CTNNA2: variants seen among roughly 807,000 people sequenced by gnomAD.
CTNNA2 encodes the protein catenin alpha 2, also known as catenin alpha-2.
In CTNNA2, 42 loss-of-function variants were observed where a neutral mutation model predicts 101.0. The ratio of observed to expected loss-of-function variants is 0.42; its 90% CI spans 0.32 to 0.54. The LOEUF (loss-of-function observed/expected upper bound fraction) is 0.54, where lower values mean the gene tolerates loss of function less well. CTNNA2 is among the 20% of genes least tolerant of loss of function. The pLI, the probability that CTNNA2 is intolerant of heterozygous loss-of-function variation, is 0.14. For missense variants in CTNNA2, 871 were observed against 1,223.1 expected (o/e 0.71, Z 4.29); for synonymous variants, 450 against 456.4 (o/e 0.99, Z 0.18).
At chr2:80,588,089 CTA>C (rs1375550837) in intron 14 of CTNNA2, among the ~76,000 whole-genome samples, 2 of 152,188 alleles carry the variant, frequency 1.3e-5, no homozygotes, top group African/African-American at 4.8e-5. Context: ...CAATAAGTAA[CTA>C]TGTTTAATGG....
chr2:79,186,745 C>A (rs1298999997), intron 1 of CTNNA2, among the ~76,000 whole-genome samples: 1 of 152,144 alleles, frequency 6.6e-6, no homozygotes, highest in African/African-American at 2.4e-5. Flanking sequence ...GTTGTCATAG[C>A]CTAAAATACA....
At chr2:79,609,401 C>G (rs1182232098) in intron 1 of CTNNA2, among the ~76,000 whole-genome samples, 1 of 151,964 alleles carries the variant, frequency 6.6e-6, no homozygotes, top group African/African-American at 2.4e-5. Flanking sequence ...TATATGCAAT[C>G]TCAATCAAAA....
intron 4 of CTNNA2, among the ~76,000 whole-genome samples, chr2:79,414,529 C>A (rs1054613116): frequency 6.6e-6 from 1 of 152,028 alleles, no homozygotes; most frequent in Non-Finnish European, 1.5e-5. Flanking sequence ...GTATAGAAAA[C>A]TGTTTTAAAA....
intron 2 of CTNNA2, among the ~76,000 whole-genome samples, chr2:79,228,452 G>GCAA (rs1222389593): frequency 3.3e-5 from 5 of 152,282 alleles, no homozygotes; most frequent in African/African-American, 1.2e-4. Flanking sequence ...ATTCTGACTG[G>GCAA]TGTAAGATGC....
chr2:80,542,285 C>T (rs1403640874), intron 9 of CTNNA2, among the ~76,000 whole-genome samples: 1 of 151,774 alleles, frequency 6.6e-6, no homozygotes, highest in African/African-American at 2.4e-5. Context: ...TTTTTCTATT[C>T]AGGACACAAA....
chr2:80,589,153 C>A, intron 14 of CTNNA2, 151 bp from the exon 15 acceptor site: 1 of 755,526 alleles, frequency 1.3e-6, no homozygotes, highest in Non-Finnish European at 2.1e-6. Flanking sequence ...CGTGGCCTCC[C>A]TGGAATGGAG....
chr2:79,279,263 C>G (rs945782938), intron 2 of CTNNA2, among the ~76,000 whole-genome samples: 1 of 151,948 alleles, frequency 6.6e-6, no homozygotes, highest in Admixed American at 6.6e-5. Flanking sequence ...GTTGTGTGCC[C>G]TCGCATAGAA....
Position 80,030,249 on chromosome 2 carries a change from T to A in CTNNA2, c.1056+120452T>A, listed in dbSNP as rs1695203343. Among the ~76,000 whole-genome samples the A allele has an allele frequency of 4.0e-5, 6 of 149,636 alleles. No individual in the cohort carries two copies. The South Asian group carries it at 1.3e-3, about 32-fold the overall frequency. On this transcript the variant is annotated intron_variant, in intron 7 of 18. Coordinates refer to ENST00000402739, the MANE Select transcript of CTNNA2 (RefSeq NM_001282597.3). Reference sequence around the variant, plus strand: ...TTATTGTTAAAAAAAAAAAAAAAGATGTTAAAAGAAAAAAACTGCTAAGTG... The same window carrying A: ...TTATTGTTAAAAAAAAAAAAAAAGAAGTTAAAAGAAAAAAACTGCTAAGTG...
At chr2:80,538,643 T>A (rs1691258115) in intron 9 of CTNNA2, among the ~76,000 whole-genome samples, 1 of 152,238 alleles carries the variant, frequency 6.6e-6, no homozygotes, top group Admixed American at 6.5e-5. Context: ...TAGTACAGTT[T>A]GAAGTCAGGT....
At chr2:79,966,028 A>G (rs763161245) in intron 7 of CTNNA2, among the ~76,000 whole-genome samples, 1 of 151,970 alleles carries the variant, frequency 6.6e-6, no homozygotes, top group Non-Finnish European at 1.5e-5. Flanking sequence ...TGGGTATGTT[A>G]CTATTTGCTG....
intron 1 of CTNNA2, among the ~76,000 whole-genome samples, chr2:79,542,168 A>T (rs1673466526): frequency 2.6e-5 from 4 of 152,124 alleles, no homozygotes; most frequent in Admixed American, 2.6e-4. Flanking sequence ...TGCCAAGATA[A>T]CCTGAAGGGT....
intron 7 of CTNNA2, among the ~76,000 whole-genome samples, chr2:79,972,074 A>G (rs1211997066): frequency 1.3e-5 from 2 of 152,218 alleles, no homozygotes; most frequent in Admixed American, 1.3e-4. Flanking sequence ...TGGTTGCAGC[A>G]GATCACGGGG....
intron 3 of CTNNA2, among the ~76,000 whole-genome samples, chr2:79,330,446 C>G (rs781107636): frequency 6.6e-6 from 1 of 152,122 alleles, no homozygotes; most frequent in Non-Finnish European, 1.5e-5. Flanking sequence ...ACCACCTCCT[C>G]TCTGGGTGGA....
At chr2:79,445,643 G>T (rs1678824552) in intron 4 of CTNNA2, among the ~76,000 whole-genome samples, 1 of 152,082 alleles carries the variant, frequency 6.6e-6, no homozygotes, top group Non-Finnish European at 1.5e-5. Context: ...GCTATTAATT[G>T]TGGGATGTCT....
chr2:79,396,967 G>A (rs1017000818), intron 4 of CTNNA2, among the ~76,000 whole-genome samples: 1 of 152,110 alleles, frequency 6.6e-6, no homozygotes, highest in African/African-American at 2.4e-5. Flanking sequence ...GGGAAAGCTT[G>A]TCAAAAAATG....
chr2:79,705,521 T>C (rs796839129), intron 2 of CTNNA2, among the ~76,000 whole-genome samples: 2 of 152,280 alleles, frequency 1.3e-5, no homozygotes, highest in African/African-American at 4.8e-5. Context: ...TTCTGGAACA[T>C]ATGTATGTAT....
chr2:80,046,128 T>G (rs1389662456), intron 7 of CTNNA2, among the ~76,000 whole-genome samples: 1 of 152,174 alleles, frequency 6.6e-6, no homozygotes, highest in Non-Finnish European at 1.5e-5. Context: ...ATAAAACAAG[T>G]TCCATCATCA....
chr2:80,560,816 A>G (rs896616415), intron 12 of CTNNA2, among the ~76,000 whole-genome samples: 2 of 152,170 alleles, frequency 1.3e-5, no homozygotes, highest in African/African-American at 4.8e-5. Flanking sequence ...ACTGCTTACA[A>G]CAGGATTGTC....
intron 7 of CTNNA2, among the ~76,000 whole-genome samples, chr2:80,243,178 T>G (rs1201483549): frequency 1.3e-5 from 2 of 152,224 alleles, no homozygotes; most frequent in African/African-American, 4.8e-5. Flanking sequence ...AGAAACATTA[T>G]GGGGGTCATC....
Sources: gnomAD v4.1 joint callset for allele counts (sites outside exome capture counted in the v4.1 genomes callset) on GRCh38, gnomAD v4.1.1 for gene constraint, MANE v1.5 for transcripts, NCBI Gene and HGNC (gene_info 2026-07-23, HGNC 2026-07-21) for gene names.